The following C8orf34 variants were observed in gnomAD, a reference collection of about 807,000 sequenced individuals.
The protein encoded by C8orf34 is chromosome 8 open reading frame 34, also known as uncharacterized protein C8orf34.
Under a neutral mutation model 68.3 loss-of-function variants are expected in C8orf34, and 65 were observed. That is an observed-to-expected ratio of 0.95 (90% CI 0.78 to 1.17). The LOEUF (loss-of-function observed/expected upper bound fraction) is 1.17, where lower values mean the gene tolerates loss of function less well. C8orf34 is among the 50% of genes most tolerant of loss of function. The pLI is 0.00. For missense variants in C8orf34, 664 were observed against 655.4 expected, an observed-to-expected ratio of 1.01 and a Z score of -0.14; for synonymous variants, 244 against 241.2, an observed-to-expected ratio of 1.01 and a Z score of -0.11.
chr8:68,790,775 G>A (rs1259202427), intron 12 of C8orf34: 8 of 654,792 alleles, frequency 1.2e-5, no homozygotes, highest in Admixed American at 2.5e-5. Context: ...AATCTACTGG[G>A]GTACTTGTTT....
intron 2 of C8orf34, among the ~76,000 whole-genome samples, chr8:68,446,003 G>A (rs183573038): frequency 1.3e-5 from 2 of 152,230 alleles, no homozygotes; most frequent in East Asian, 3.9e-4. Context: ...TACTGGTCAG[G>A]TTGGTCTCGA....
intron 10 of C8orf34, among the ~76,000 whole-genome samples, chr8:68,744,982 G>C (rs1408463438): frequency 1.3e-5 from 2 of 152,144 alleles, no homozygotes; most frequent in Non-Finnish European, 2.9e-5. Flanking sequence ...GGCAGCCAGA[G>C]AGAAAGGTCG....
At chr8:68,376,757 C>T (rs1275991041) in intron 1 of C8orf34, among the ~76,000 whole-genome samples, 2 of 152,062 alleles carry the variant, frequency 1.3e-5, no homozygotes, top group Admixed American at 6.6e-5. Flanking sequence ...CTGAGTTCTT[C>T]GTTACTTCTT....
chr8:68,641,173 T>C (rs1818997630), intron 8 of C8orf34, among the ~76,000 whole-genome samples: 1 of 152,208 alleles, frequency 6.6e-6, no homozygotes, highest in Non-Finnish European at 1.5e-5. Context: ...ATGTAAATGG[T>C]CCAGATTAGC....
rs188581973 is a variant in C8orf34, at chr8:68,382,107, A to T, written c.327+50768A>T. Among the ~76,000 whole-genome samples the T allele has an allele frequency of 5.2e-3, 790 of 152,350 alleles. 5 individuals carry two copies. The highest frequency in any genetic ancestry group is 0.017 in the African/African-American group (711 of 41,582). The stretch of plus-strand genomic sequence containing the variant: ...TCATGATGTATTCCATAAGTACATG[A>T]TAACATATTTTATCTATTTCCTATT... On this transcript the variant is annotated intron_variant, in intron 1 of 13. Coordinates refer to ENST00000518698, the MANE Select transcript of C8orf34 (RefSeq NM_052958.4).
Position 68,784,493 on chromosome 8 carries a change from G to A in C8orf34, c.1456-2950G>A, listed in dbSNP as rs1421344730. On this transcript the variant is annotated intron_variant, in intron 11 of 13. Coordinates refer to ENST00000518698, the MANE Select transcript of C8orf34 (RefSeq NM_052958.4). ...TCCCTCCTGAACTATTTGAAAGAAG[G>A]TCACTAAACACAGCCCACACTTAAA... Among the ~76,000 whole-genome samples, 11 of 152,196 alleles carry A rather than the reference G, an allele frequency of 7.2e-5. No individual in the cohort carries two copies. In the South Asian group the frequency reaches 8.3e-4, roughly 11 times the overall value.
At chr8:68,501,465 A>G (rs573667965) in intron 5 of C8orf34, among the ~76,000 whole-genome samples, 1 of 152,318 alleles carries the variant, frequency 6.6e-6, no homozygotes, top group Admixed American at 6.5e-5. Context: ...GTGAATCAAC[A>G]GGGGACATTG....
intron 5 of C8orf34, among the ~76,000 whole-genome samples, chr8:68,508,676 C>T (rs6981803): frequency 0.23 from 34,562 of 152,080 alleles, 6,065 homozygotes; most frequent in African/African-American, 0.49. Context: ...AGAGTGACTT[C>T]AGTCTGTTCC....
chr8:68,383,535 T>A (rs1307608420), intron 1 of C8orf34, among the ~76,000 whole-genome samples: 1 of 152,200 alleles, frequency 6.6e-6, no homozygotes, highest in Non-Finnish European at 1.5e-5. Context: ...GAAAGTATAC[T>A]CGGGTCTAGA....
At chr8:68,353,996 CA>C (rs1378164784) in intron 1 of C8orf34, among the ~76,000 whole-genome samples, 1 of 151,892 alleles carries the variant, frequency 6.6e-6, no homozygotes, top group Non-Finnish European at 1.5e-5. Flanking sequence ...TATATCAAAA[CA>C]AGATGTCTAT....
chr8:68,367,912 G>GAAAAAAAAAAAGAAA (rs1807365642), intron 1 of C8orf34, among the ~76,000 whole-genome samples: 1 of 79,116 alleles, frequency 1.3e-5, no homozygotes, highest in Non-Finnish European at 2.3e-5. Flanking sequence ...AAAAAGAAAA[G>GAAAAAAAAAAAGAAA]AAAAAAAAAA....
intron 4 of C8orf34, among the ~76,000 whole-genome samples, chr8:68,487,010 C>T (rs549007610): frequency 6.6e-6 from 1 of 152,218 alleles, no homozygotes; most frequent in African/African-American, 2.4e-5. Flanking sequence ...AAGTTTAGCC[C>T]CATTGTTCAA....
At chr8:68,717,162 G>A (rs1021852371) in intron 9 of C8orf34, among the ~76,000 whole-genome samples, 3 of 151,996 alleles carry the variant, frequency 2.0e-5, no homozygotes, top group African/African-American at 2.4e-5. Flanking sequence ...AGTCTTAAAA[G>A]CCTAATGCTT....
chr8:68,589,002 G>A (rs551735931), intron 7 of C8orf34, among the ~76,000 whole-genome samples: 46 of 152,148 alleles, frequency 3.0e-4, no homozygotes, highest in African/African-American at 1.1e-3. Flanking sequence ...TTTTATTGGC[G>A]AAAACAGGCA....
intron 1 of C8orf34, among the ~76,000 whole-genome samples, chr8:68,392,945 G>T (rs1517124): frequency 0.57 from 86,335 of 151,980 alleles, 24,619 homozygotes; most frequent in African/African-American, 0.62. Context: ...ATTCTCTTTT[G>T]AATTTTGTTT....
chr8:68,791,096 T>C (rs1477433080), intron 12 of C8orf34: 1 of 534,896 alleles, frequency 1.9e-6, no homozygotes, highest in East Asian at 2.9e-5. Context: ...TGCAAGACAG[T>C]GTATTAGTCG....
chr8:68,732,386 A>T (rs925472340), intron 10 of C8orf34, among the ~76,000 whole-genome samples: 1 of 152,186 alleles, frequency 6.6e-6, no homozygotes. Context: ...GAATTTCTTT[A>T]ATCACTAATA....
chr8:68,466,080 C>T lies in C8orf34; in HGVS notation c.608-2612C>T, dbSNP rs147879588. On this transcript the variant is annotated intron_variant, in intron 3 of 13. Transcript: ENST00000518698. ...TGAAATCATGTCATTCTCAGCAACA[C>T]GGTGAAACTGGAGGTTATTATCTTA... Among the ~76,000 whole-genome samples, 308 of 149,446 alleles carry T rather than the reference C, an allele frequency of 2.1e-3. 1 individual carries two copies. The highest frequency in any genetic ancestry group is 6.7e-3 in the African/African-American group (274 of 40,858).
intron 10 of C8orf34, among the ~76,000 whole-genome samples, chr8:68,770,690 AT>A (rs1212306642): frequency 2.0e-5 from 3 of 151,902 alleles, no homozygotes; most frequent in African/African-American, 4.8e-5. Flanking sequence ...AAACGGCTTT[AT>A]TTTTTTTCAG....
Sources: allele counts gnomAD v4.1 joint callset (sites outside exome capture counted in the v4.1 genomes callset), GRCh38; gene constraint gnomAD v4.1.1; transcripts MANE v1.5; gene names NCBI Gene and HGNC (gene_info 2026-07-23, HGNC 2026-07-21).